SPATA31H1: variants seen among roughly 807,000 people sequenced by gnomAD.
SPATA31H1 encodes SPATA31 subfamily H member 1, also known as spermatogenesis-associated protein 31H1.
chr2:27,567,972 A>AT, the SPATA31H1 span: 1 of 399,060 alleles, frequency 2.5e-6, no homozygotes, highest in Non-Finnish European at 4.4e-6. Context: ...AACAGTGAGC[A>AT]TAACCCCCAA....
chr2:27,580,525 TAGC>T, the SPATA31H1 span: 1 of 1,614,188 alleles, frequency 6.2e-7, no homozygotes, highest in East Asian at 2.2e-5. Context: ...TCTAGGGAAT[TAGC>T]AGCCCATTTA....
At chr2:27,581,067 G>C in the SPATA31H1 span, 1 of 1,614,152 alleles carries the variant, frequency 6.2e-7, no homozygotes, top group Non-Finnish European at 8.5e-7. Context: ...CTCCAGCCAG[G>C]AGTCTAAGAA....
the SPATA31H1 span, chr2:27,571,439 T>G: frequency 1.3e-5 from 5 of 398,362 alleles, no homozygotes; most frequent in African/African-American, 8.2e-5. Flanking sequence ...AATTCACCCC[T>G]GATTCTGAGC....
the SPATA31H1 span, chr2:27,581,998 CCTTGGAGAGGAGCCGTCACAGTCT>C: frequency 1.2e-6 from 2 of 1,613,878 alleles, no homozygotes; most frequent in Non-Finnish European, 1.7e-6. Flanking sequence ...CGTCACAGTC[CCTTGGAGAGGAGCCGTCACAGTCT>C]CTTGGAGAGG....
chr2:27,553,041 T>A, the SPATA31H1 span, among the ~76,000 whole-genome samples: 1 of 152,086 alleles, frequency 6.6e-6, no homozygotes, highest in African/African-American at 2.4e-5. Flanking sequence ...TGGGGCAATG[T>A]TCCTGACTTC....
the SPATA31H1 span, among the ~76,000 whole-genome samples, chr2:27,549,308 G>A: frequency 6.6e-6 from 1 of 151,580 alleles, no homozygotes; most frequent in East Asian, 1.9e-4. Flanking sequence ...CTGGTTTGGT[G>A]TGGTATTTTA....
At chr2:27,547,410 G>A in the SPATA31H1 span, among the ~76,000 whole-genome samples, 1 of 151,898 alleles carries the variant, frequency 6.6e-6, no homozygotes, top group Non-Finnish European at 1.5e-5. Context: ...CTTGACCTCA[G>A]ATGATCTGCT....
chr2:27,566,490 G>T, the SPATA31H1 span: 17 of 655,246 alleles, frequency 2.6e-5, no homozygotes, highest in South Asian at 3.0e-4. Flanking sequence ...GAGAGAGTTT[G>T]TTTTGTCTGT....
At chr2:27,570,798 G>A in the SPATA31H1 span, 1 of 398,968 alleles carries the variant, frequency 2.5e-6, no homozygotes, top group Non-Finnish European at 4.4e-6. Context: ...GTTTCAAGGT[G>A]TAAAATATGT....
chr2:27,578,213 A>G, the SPATA31H1 span: 1 of 1,614,206 alleles, frequency 6.2e-7, no homozygotes, highest in Non-Finnish European at 8.5e-7. Flanking sequence ...CAAAACTGCA[A>G]TATGTGAGAC....
chr2:27,550,733 A>G, the SPATA31H1 span, among the ~76,000 whole-genome samples: 21 of 151,684 alleles, frequency 1.4e-4, no homozygotes, highest in Non-Finnish European at 2.9e-4. Context: ...GATAAATTTT[A>G]TCAAGTGATT....
the SPATA31H1 span, chr2:27,576,472 C>A: frequency 3.3e-6 from 3 of 898,964 alleles, no homozygotes; most frequent in Non-Finnish European, 5.0e-6. Context: ...TGGCCACAAC[C>A]TCAAAGTGTA....
the SPATA31H1 span, among the ~76,000 whole-genome samples, chr2:27,553,074 C>G: frequency 1.3e-5 from 2 of 152,104 alleles, no homozygotes; most frequent in African/African-American, 4.8e-5. Context: ...AGTGAAGGAC[C>G]TGCTCCAGTG....
the SPATA31H1 span, among the ~76,000 whole-genome samples, chr2:27,550,263 T>C: frequency 6.6e-6 from 1 of 151,532 alleles, no homozygotes; most frequent in East Asian, 1.9e-4. Context: ...CAATAATTCA[T>C]CATTTATGTG....
chr2:27,557,760 G>C, the SPATA31H1 span, among the ~76,000 whole-genome samples: 2 of 38,194 alleles, frequency 5.2e-5, no homozygotes, highest in African/African-American at 3.5e-4. Context: ...CTGGCCAGGC[G>C]GGGGGCTGAT....
chr2:27,578,197 T>G, the SPATA31H1 span: 1 of 1,614,192 alleles, frequency 6.2e-7, no homozygotes, highest in African/African-American at 1.3e-5. Flanking sequence ...TATATTGAGT[T>G]GACTCCAAAA....
the SPATA31H1 span, chr2:27,582,046 C>T: frequency 6.8e-6 from 11 of 1,614,138 alleles, no homozygotes; most frequent in Non-Finnish European, 8.5e-6. Flanking sequence ...CATCGCAGTC[C>T]CTCTGAGAGG....
At chr2:27,577,163 G>A in the SPATA31H1 span, 1 of 1,614,018 alleles carries the variant, frequency 6.2e-7, no homozygotes, top group Non-Finnish European at 8.5e-7. The surrounding 1 kb of genome is among the most constrained non-coding windows in gnomAD (Gnocchi z 4.5). Context: ...GGATGCTGCT[G>A]CAGCCAGATC....
At chr2:27,577,952 T>G in the SPATA31H1 span, 1 of 1,614,098 alleles carries the variant, frequency 6.2e-7, no homozygotes, top group African/African-American at 1.3e-5. The surrounding 1 kb of genome is among the most constrained non-coding windows in gnomAD (Gnocchi z 4.5). Flanking sequence ...GTATGAAATC[T>G]CCAGGGACAA....
Sources: gnomAD v4.1 joint callset for allele counts (sites outside exome capture counted in the v4.1 genomes callset) on GRCh38, gnomAD v4.1.1 for gene constraint, Gnocchi (gnomAD v3.1) non-coding constraint, MANE v1.5 for transcripts, NCBI Gene and HGNC (gene_info 2026-07-23, HGNC 2026-07-21) for gene names.